The following CHM variants were observed in gnomAD, a reference collection of about 807,000 sequenced individuals.
CHM encodes CHM Rab escort protein.
In CHM, 10 loss-of-function variants were observed where a neutral mutation model predicts 49.0. The observed-to-expected ratio is 0.20, with a 90% CI of 0.13 to 0.35. CHM has a LOEUF of 0.35. CHM is among the 10% of genes least tolerant of loss of function. The pLI, the probability that CHM is intolerant of heterozygous loss-of-function variation, is 1.00. For synonymous variants in CHM, 184 were observed against 167.5 expected (o/e 1.10, Z -0.76); for missense variants, 455 against 478.4 (o/e 0.95, Z 0.46).
chrX:85,896,794 G>A (rs916864230), intron 11 of CHM, among the ~76,000 whole-genome samples: 1 of 103,028 alleles, frequency 9.7e-6, no homozygotes, highest in Non-Finnish European at 1.9e-5. Context: ...CAGTTTCATG[G>A]AAGCCAAGAG....
chrX:85,982,158 A>G (rs1425288041), intron 2 of CHM, among the ~76,000 whole-genome samples: 1 of 111,944 alleles, frequency 8.9e-6, no homozygotes, highest in Non-Finnish European at 1.9e-5. Flanking sequence ...GCAAGGAAGA[A>G]AACCTTGATA....
At chrX:85,958,800 C>A (rs1930137278) in intron 6 of CHM, 61 bp downstream of exon 6, 1 of 1,204,318 alleles carries the variant, frequency 8.3e-7, no homozygotes, top group African/African-American at 1.8e-5. Flanking sequence ...GCTTATCTTT[C>A]CAAAACAAAC....
intron 8 of CHM, among the ~76,000 whole-genome samples, chrX:85,954,122 T>C (rs542157897): frequency 2.8e-4 from 31 of 112,054 alleles, no homozygotes; most frequent in Non-Finnish European, 4.5e-4. Flanking sequence ...AAGATCTGAA[T>C]AGACATTTTT....
intron 2 of CHM, among the ~76,000 whole-genome samples, chrX:86,021,143 T>TAGTGCTTCGGATTTC: frequency 1.9e-5 from 1 of 52,123 alleles, no homozygotes; most frequent in African/African-American, 8.7e-5. Flanking sequence ...TATATATATA[T>TAGTGCTTCGGATTTC]ATATATATAT....
intron 2 of CHM, among the ~76,000 whole-genome samples, chrX:85,996,294 C>T (rs1932437770): frequency 8.9e-6 from 1 of 111,873 alleles, no homozygotes; most frequent in African/African-American, 3.2e-5. Context: ...TGAAGCAGAG[C>T]ATCACAACTA....
intron 8 of CHM, among the ~76,000 whole-genome samples, chrX:85,922,162 ATACT>A (rs1208113008): frequency 8.9e-6 from 1 of 112,439 alleles, no homozygotes; most frequent in Non-Finnish European, 1.9e-5. Flanking sequence ...TGTGGGTTAC[ATACT>A]TATATTGCAT....
chrX:86,021,563 T>C (rs1026719869), intron 2 of CHM, among the ~76,000 whole-genome samples: 1 of 110,572 alleles, frequency 9.0e-6, no homozygotes, highest in Non-Finnish European at 1.9e-5. Context: ...AGCCAAAGAA[T>C]AGGAAGTTGG....
chrX:86,027,808 A>T (rs1323123953), intron 1 of CHM, among the ~76,000 whole-genome samples: 1 of 110,681 alleles, frequency 9.0e-6, no homozygotes, highest in Middle Eastern at 4.3e-3. Flanking sequence ...CTCTGTCACC[A>T]GCTGGAGTAC....
At chrX:86,033,001 G>A (rs1158268579) in intron 1 of CHM, among the ~76,000 whole-genome samples, 1 of 111,359 alleles carries the variant, frequency 9.0e-6, no homozygotes, top group Non-Finnish European at 1.9e-5. Flanking sequence ...TCAAATGAAG[G>A]AGCTAGGCTA....
At chrX:86,029,732 A>G (rs986749379) in intron 1 of CHM, among the ~76,000 whole-genome samples, 2 of 111,479 alleles carry the variant, frequency 1.8e-5, no homozygotes, top group African/African-American at 6.5e-5. Flanking sequence ...TACAGCAACA[A>G]AATGAAACAG....
chrX:86,002,645 T>C (rs1932766083), intron 2 of CHM, among the ~76,000 whole-genome samples: 1 of 111,891 alleles, frequency 8.9e-6, no homozygotes, highest in African/African-American at 3.3e-5. Context: ...TTCCCTTTCC[T>C]AACCAAGGGA....
At chrX:85,925,930 C>T (rs1231452542) in intron 8 of CHM, among the ~76,000 whole-genome samples, 2 of 110,889 alleles carry the variant, frequency 1.8e-5, no homozygotes, top group East Asian at 5.7e-4. Context: ...CAGAGACCAT[C>T]TTCTTAGAAA....
chrX:85,999,649 G>C (rs1341150220), intron 2 of CHM, among the ~76,000 whole-genome samples: 1 of 111,745 alleles, frequency 8.9e-6, no homozygotes, highest in Non-Finnish European at 1.9e-5. Flanking sequence ...TTTAAGAATT[G>C]CAAATTGCTC....
chrX:86,013,174 A>G (rs1933147796), intron 2 of CHM, among the ~76,000 whole-genome samples: 1 of 111,534 alleles, frequency 9.0e-6, no homozygotes, highest in Admixed American at 9.5e-5. Context: ...CCATCGCTCA[A>G]TAAAATTCTT....
At chrX:85,957,145 G>A (rs1434731095) in intron 7 of CHM, among the ~76,000 whole-genome samples, 1 of 111,307 alleles carries the variant, frequency 9.0e-6, no homozygotes, top group Non-Finnish European at 1.9e-5. Flanking sequence ...TTTCACAGAG[G>A]AAAAAAAATA....
At position 85,931,962 on chromosome X, in the gene CHM, T is replaced by A. The variant is rs192400111; in HGVS notation, c.1167-20624A>T. ...AGTGTCCTCATTTTTACTAGCTTGA[T>A]TTCTGATAGTATCTTTTCCTCATGC... On this transcript the variant is annotated intron_variant, in intron 8 of 14. Transcript: ENST00000357749. Among the ~76,000 whole-genome samples the A allele has an allele frequency of 1.2e-4, 13 of 112,358 alleles. No individual in the cohort carries two copies. The South Asian group carries it at 4.4e-3, about 38-fold the overall frequency.
intron 4 of CHM, among the ~76,000 whole-genome samples, chrX:85,967,472 G>A (rs749735082): frequency 9.0e-6 from 1 of 111,514 alleles, no homozygotes; most frequent in Non-Finnish European, 1.9e-5. Context: ...GGTGCTCCTC[G>A]ACTTATGATG....
chrX:85,946,267 C>A (rs902058694), intron 8 of CHM, among the ~76,000 whole-genome samples: 2 of 112,486 alleles, frequency 1.8e-5, no homozygotes, highest in Non-Finnish European at 3.8e-5. Flanking sequence ...GAGAAATGTG[C>A]ATAACTAAAA....
chrX:86,018,132 G>A (rs895208963), intron 2 of CHM, among the ~76,000 whole-genome samples: 1 of 112,021 alleles, frequency 8.9e-6, no homozygotes, highest in African/African-American at 3.2e-5. Flanking sequence ...TTTATGAAAA[G>A]AAAAACTAAA....
Sources: allele counts gnomAD v4.1 joint callset (sites outside exome capture counted in the v4.1 genomes callset), GRCh38; gene constraint gnomAD v4.1.1; transcripts MANE v1.5; gene names NCBI Gene and HGNC (gene_info 2026-07-23, HGNC 2026-07-21).